The following GRM8 variants were observed in gnomAD, a reference collection of about 807,000 sequenced individuals.
GRM8 encodes the protein glutamate metabotropic receptor 8.
In GRM8, 47 loss-of-function variants were observed where a neutral mutation model predicts 87.2. The ratio of observed to expected loss-of-function variants is 0.54; its 90% CI spans 0.43 to 0.69. GRM8 has a LOEUF of 0.69. Among genes scored for constraint, GRM8 ranks in the 30% least tolerant of loss-of-function variants. GRM8 has a pLI of 0.00. For missense variants in GRM8, 1,019 were observed against 1,139.2 expected (o/e 0.89, Z 1.52); for synonymous variants, 396 against 404.5 (o/e 0.98, Z 0.25).
intron 7 of GRM8, among the ~76,000 whole-genome samples, chr7:126,675,472 C>T (rs1422998725): frequency 6.6e-6 from 1 of 152,088 alleles, no homozygotes; most frequent in Non-Finnish European, 1.5e-5. Flanking sequence ...CCCTGATGAA[C>T]ATAGATGCAA....
chr7:126,525,870 A>G (rs1813741880), intron 9 of GRM8, among the ~76,000 whole-genome samples: 2 of 152,210 alleles, frequency 1.3e-5, no homozygotes, highest in African/African-American at 4.8e-5. Context: ...ATCTTGAACC[A>G]GAAACCAGAT....
intron 6 of GRM8, among the ~76,000 whole-genome samples, chr7:126,856,166 C>T (rs1797663857): frequency 6.6e-6 from 1 of 151,632 alleles, no homozygotes; most frequent in Non-Finnish European, 1.5e-5. Flanking sequence ...AAAGAACAGG[C>T]TTATATGCAA....
chr7:126,938,166 C>T (rs1046971388), intron 3 of GRM8, among the ~76,000 whole-genome samples: 1 of 152,052 alleles, frequency 6.6e-6, no homozygotes, highest in African/African-American at 2.4e-5. Context: ...AATTTTTTGT[C>T]CTTAACTTTC....
At chr7:127,171,007 TAAAA>T (rs951761604) in intron 2 of GRM8, among the ~76,000 whole-genome samples, 1 of 151,990 alleles carries the variant, frequency 6.6e-6, no homozygotes. Context: ...AAAAATGAAT[TAAAA>T]AAACCATTCG....
At chr7:127,193,004 C>A (rs1795101463) in intron 2 of GRM8, among the ~76,000 whole-genome samples, 1 of 152,170 alleles carries the variant, frequency 6.6e-6, no homozygotes. Flanking sequence ...TCAGTGCGAT[C>A]TCCAGAGAGA....
chr7:126,562,182 G>A (rs917680866), intron 8 of GRM8, among the ~76,000 whole-genome samples: 3 of 152,140 alleles, frequency 2.0e-5, no homozygotes, highest in Non-Finnish European at 2.9e-5. Flanking sequence ...TCATTAAAAA[G>A]AGTGAACTAA....
At chr7:127,198,317 T>A (rs1227489011) in intron 2 of GRM8, among the ~76,000 whole-genome samples, 2 of 152,238 alleles carry the variant, frequency 1.3e-5, no homozygotes, top group Non-Finnish European at 2.9e-5. Flanking sequence ...GCACATAAAC[T>A]GGACAAAAGT....
At chr7:127,240,236 G>T (rs530095963) in intron 2 of GRM8, among the ~76,000 whole-genome samples, 7 of 152,238 alleles carry the variant, frequency 4.6e-5, no homozygotes, top group Non-Finnish European at 1.0e-4. Context: ...AGAGAAGCCA[G>T]ATCCCCGCTG....
At chr7:127,186,623 T>G (rs1794752296) in intron 2 of GRM8, among the ~76,000 whole-genome samples, 1 of 152,190 alleles carries the variant, frequency 6.6e-6, no homozygotes, top group African/African-American at 2.4e-5. Context: ...TCTTTGAAAC[T>G]GTTCCTTAGT....
chr7:126,473,363 G>T (rs574251056), intron 9 of GRM8, among the ~76,000 whole-genome samples: 4 of 152,318 alleles, frequency 2.6e-5, no homozygotes, highest in African/African-American at 9.6e-5. Flanking sequence ...TCATTTTGGA[G>T]CTTTAAGATT....
chr7:126,730,503 G>A (rs1242236025), intron 7 of GRM8, among the ~76,000 whole-genome samples: 2 of 152,094 alleles, frequency 1.3e-5, no homozygotes, highest in Non-Finnish European at 2.9e-5. Flanking sequence ...TAGACTGTGG[G>A]GGGACCTGGA....
intron 7 of GRM8, among the ~76,000 whole-genome samples, chr7:126,661,683 T>A (rs1805193940): frequency 6.6e-6 from 1 of 152,090 alleles, no homozygotes; most frequent in African/African-American, 2.4e-5. Flanking sequence ...TGGGGAGACT[T>A]TATGTGCCTC....
chr7:126,496,766 G>A (rs928272874), intron 9 of GRM8, among the ~76,000 whole-genome samples: 12 of 151,896 alleles, frequency 7.9e-5, no homozygotes, highest in Admixed American at 3.3e-4. Flanking sequence ...ATGGTTGTAG[G>A]AGAAATTGGG....
At chr7:126,672,778 A>G (rs1199659800) in intron 7 of GRM8, among the ~76,000 whole-genome samples, 1 of 152,008 alleles carries the variant, frequency 6.6e-6, no homozygotes, top group African/African-American at 2.4e-5. Flanking sequence ...ATGTTTTCTA[A>G]TAACGTGGTG....
chr7:126,941,762 CA>C (rs1465831409), intron 3 of GRM8, among the ~76,000 whole-genome samples: 1 of 151,916 alleles, frequency 6.6e-6, no homozygotes, highest in African/African-American at 2.4e-5. Context: ...TCTATAAACC[CA>C]AAAGTCTGAG....
chr7:127,100,967 C>G (rs1412905764), intron 3 of GRM8, among the ~76,000 whole-genome samples: 28 of 152,164 alleles, frequency 1.8e-4, no homozygotes, highest in Non-Finnish European at 7.3e-5. Context: ...ATCTCAGTTC[C>G]TGCTTGGCTC....
intron 1 of GRM8, among the ~76,000 whole-genome samples, chr7:127,243,856 T>C (rs1332009000): frequency 1.3e-5 from 2 of 152,028 alleles, no homozygotes; most frequent in African/African-American, 4.8e-5. Context: ...CTGTTTTTTT[T>C]TTTTGCAGCT....
At chr7:127,024,700 CCTT>C (rs1816608374) in intron 3 of GRM8, among the ~76,000 whole-genome samples, 1 of 152,088 alleles carries the variant, frequency 6.6e-6, no homozygotes, top group Non-Finnish European at 1.5e-5. Context: ...GGTCTTCCCT[CCTT>C]CGAGTCACAC....
chr7:126,914,554 G>A (rs1302614347), intron 3 of GRM8, among the ~76,000 whole-genome samples: 2 of 152,242 alleles, frequency 1.3e-5, no homozygotes, highest in Non-Finnish European at 2.9e-5. Context: ...TAAAGAAAAT[G>A]TGGTAGCTAT....
Sources: allele counts gnomAD v4.1 joint callset (sites outside exome capture counted in the v4.1 genomes callset), GRCh38; gene constraint gnomAD v4.1.1; transcripts MANE v1.5; gene names NCBI Gene and HGNC (gene_info 2026-07-23, HGNC 2026-07-21).